The following ERCC6L2 variants were observed in gnomAD, a reference collection of about 807,000 sequenced individuals.
The protein encoded by ERCC6L2 is DNA excision repair protein ERCC-6-like 2.
Under a neutral mutation model 132.0 loss-of-function variants are expected in ERCC6L2, and 77 were observed. That is an observed-to-expected ratio of 0.58 (90% confidence interval 0.49 to 0.71). ERCC6L2 has a LOEUF of 0.71. Ranked by LOEUF, ERCC6L2 falls within the 30% of genes least tolerant of loss-of-function variation. ERCC6L2 has a pLI of 0.00. For synonymous variants in ERCC6L2, 583 were observed against 632.4 expected (o/e 0.92, Z 1.17); for missense variants, 1,542 against 1,837.6 (o/e 0.84, Z 2.94).
Position 96,013,066 on chromosome 9 carries a change from G to C in ERCC6L2, c.4516G>C (p.Ala1506Pro). ...AGTAATAGAGACTCTGTGTGAAAAAGCACCTCTAGCAGCACCCTTTAAAAG... is the reference window on the plus strand; with the variant it reads ...AGTAATAGAGACTCTGTGTGAAAAACCACCTCTAGCAGCACCCTTTAAAAG... ...LAVIETLCEK[A>P]PLAAPFKRRE... The change falls in exon 19 of 19, where the codon GCA (alanine) becomes CCA (proline). Residue 1506 changes from alanine (A) to proline (P), a missense_variant. Transcript: ENST00000653738. 1 of 1,367,596 alleles carries C rather than the reference G, an allele frequency of 7.3e-7. No homozygotes were observed. 84.7% of individuals were successfully genotyped at this position (1,367,596 alleles called of 1,614,324 possible).
At chr9:95,895,969 A>G (rs938198636) in intron 2 of ERCC6L2, among the ~76,000 whole-genome samples, 2 of 151,986 alleles carry the variant, frequency 1.3e-5, no homozygotes, top group African/African-American at 4.8e-5. Flanking sequence ...CTCGTGATCC[A>G]CCCACCTTGG....
In ERCC6L2 at chr9:96,013,272, ATTC is replaced by A; in HGVS notation, c.*71_*73del. The A allele has an allele frequency of 8.3e-7, 1 of 1,211,142 alleles. No individual in the cohort carries two copies. The highest frequency in any genetic ancestry group is 1.6e-5 in the African/African-American group (1 of 63,262). The allele number at this position is 1,211,142 out of a possible 1,614,324, so 75.0% of individuals were successfully genotyped here. ...GTTTACGGCACTGGATTCCACACTGATTCTATTATCTTGAACACAGTTGTTGAC... is the reference window on the plus strand; with the variant it reads ...GTTTACGGCACTGGATTCCACACTGATATTATCTTGAACACAGTTGTTGAC... On this transcript the variant is annotated 3_prime_UTR_variant, in exon 19 of 19. Coordinates refer to ENST00000653738, the MANE Select transcript of ERCC6L2 (RefSeq NM_020207.7).
chr9:96,012,336 T>C lies in ERCC6L2; in HGVS notation c.3786T>C (p.Phe1262=), dbSNP rs538895619. The change falls in exon 19 of 19, where the codon TTT becomes TTC. Residue 1262 remains phenylalanine (F), a synonymous_variant. Transcript: ENST00000653738. ...AACGACAGAAAATGCTAAGAGACTTTTATGCTTCTCAATATCCAGAGGTAA... is the reference window on the plus strand; with the variant it reads ...AACGACAGAAAATGCTAAGAGACTTCTATGCTTCTCAATATCCAGAGGTAA... ...SEERQKMLRD[F]YASQYPEVKE... 7.3e-7 allele frequency: 1 copy of C among 1,361,410 alleles called. No individual in the cohort carries two copies. Among genetic ancestry groups the C allele is most frequent in the Non-Finnish European group, 9.8e-7 (1 of 1,017,066 alleles). The allele number at this position is 1,361,410 out of a possible 1,614,324, so 84.3% of individuals were successfully genotyped here.
In ERCC6L2 at chr9:96,015,880, C is replaced by G. The variant is rs73536565; in HGVS notation, c.*2677C>G. Among the ~76,000 whole-genome samples, 2 of 152,112 alleles carry G rather than the reference C, an allele frequency of 1.3e-5. No individual in the cohort carries two copies. The highest frequency in any genetic ancestry group is 1.9e-4 in the East Asian group (1 of 5,188). ...CTGGAGTTTAAAAATTAGTTTCCAACAGTTGTCAGTGAAATATTTATCACT... is the reference window on the plus strand; with the variant it reads ...CTGGAGTTTAAAAATTAGTTTCCAAGAGTTGTCAGTGAAATATTTATCACT... On this transcript the variant is annotated 3_prime_UTR_variant, in exon 19 of 19. Transcript: ENST00000653738.
chr9:95,928,451 T>C (rs1362934387), intron 10 of ERCC6L2, among the ~76,000 whole-genome samples: 1 of 152,194 alleles, frequency 6.6e-6, no homozygotes, highest in African/African-American at 2.4e-5. Flanking sequence ...TATATTTATG[T>C]AAATGATTTG....
chr9:95,993,307 T>C (rs752737275), intron 17 of ERCC6L2, among the ~76,000 whole-genome samples: 5 of 152,244 alleles, frequency 3.3e-5, no homozygotes, highest in African/African-American at 4.8e-5. Context: ...TCTATCCTGC[T>C]CTAGCCTTTG....
intron 4 of ERCC6L2, among the ~76,000 whole-genome samples, chr9:95,910,390 G>A (rs1390634793): frequency 6.6e-6 from 1 of 151,946 alleles, no homozygotes; most frequent in Non-Finnish European, 1.5e-5. Context: ...GCCATATTGT[G>A]GTACATTTCA....
chr9:95,883,665 C>T (rs1312311743), intron 2 of ERCC6L2, among the ~76,000 whole-genome samples: 1 of 152,162 alleles, frequency 6.6e-6, no homozygotes, highest in Admixed American at 6.5e-5. Context: ...TCAAGACCAT[C>T]CTGGCCAACA....
Position 96,004,593 on chromosome 9 carries a change from T to C in ERCC6L2, c.3566T>C (p.Ile1189Thr). Reference sequence around the variant, plus strand: ...GGCCAGCAACCGAGTGAAGGCAGCATTTCACTTCCTCTTTACATTTCAAAT... The same window carrying C: ...GGCCAGCAACCGAGTGAAGGCAGCACTTCACTTCCTCTTTACATTTCAAAT... ...KKGQQPSEGS[I>T]SLPLYISNPV... The change falls in exon 18 of 19, where the codon ATT becomes ACT. Residue 1189 changes from isoleucine (I) to threonine (T), a missense_variant. Transcript: ENST00000653738. 7.6e-7 allele frequency: 1 copy of C among 1,314,172 alleles called. No homozygotes were observed. The highest frequency in any genetic ancestry group is 1.2e-5 in the South Asian group (1 of 81,474). 81.4% of individuals were successfully genotyped at this position (1,314,172 alleles called of 1,614,324 possible).
chr9:95,959,053 A>G (rs1831765007), intron 13 of ERCC6L2, among the ~76,000 whole-genome samples: 1 of 152,176 alleles, frequency 6.6e-6, no homozygotes, highest in Non-Finnish European at 1.5e-5. Context: ...GAACCAAAAA[A>G]GAGCCTGCAT....
chr9:95,956,285 T>C (rs1423926101), intron 13 of ERCC6L2, among the ~76,000 whole-genome samples: 1 of 152,164 alleles, frequency 6.6e-6, no homozygotes, highest in African/African-American at 2.4e-5. Context: ...TGTGATTTAG[T>C]AGGTCTGAGT....
At chr9:95,985,761 C>G (rs1347614648) in intron 17 of ERCC6L2, among the ~76,000 whole-genome samples, 2 of 152,130 alleles carry the variant, frequency 1.3e-5, no homozygotes, top group African/African-American at 4.8e-5. Flanking sequence ...AGTCTCATTC[C>G]AAGACACTCA....
At chr9:95,974,722 T>TTGTG (rs139478214) in intron 16 of ERCC6L2, among the ~76,000 whole-genome samples, 9,196 of 149,720 alleles carry the variant, frequency 0.061, 386 homozygotes, top group African/African-American at 0.12. Context: ...GTGGCCAGAT[T>TTGTG]TGTGTGTGTG....
chr9:95,903,685 T>TA (rs752229844), intron 3 of ERCC6L2, among the ~76,000 whole-genome samples: 23 of 152,118 alleles, frequency 1.5e-4, no homozygotes, highest in Non-Finnish European at 2.4e-4. Flanking sequence ...AAGCCATACA[T>TA]GTCAGTGCTA....
In ERCC6L2 at chr9:96,023,969, T is replaced by A. The variant is rs192497183; in HGVS notation, c.*1504-14907T>A. Reference sequence around the variant, plus strand: ...CAAAAGTCATTTCTCTTCCTCATGATGGGTATTTCTCTTTTTCTGGTGAGA... The same window carrying A: ...CAAAAGTCATTTCTCTTCCTCATGAAGGGTATTTCTCTTTTTCTGGTGAGA... On this transcript the variant is annotated intron_variant and NMD_transcript_variant, in intron 19 of 20. Coordinates refer to the ERCC6L2 transcript ENST00000670016. Among the ~76,000 whole-genome samples the A allele has an allele frequency of 2.3e-3, 356 of 152,328 alleles. 3 individuals are homozygous for A. Among genetic ancestry groups the A allele is most frequent in the Non-Finnish European group, 4.3e-3 (294 of 68,026 alleles).
At position 96,012,285 on chromosome 9, in the gene ERCC6L2, A is replaced by T. The variant is rs761286728; in HGVS notation, c.3735A>T (p.Lys1245Asn). ...FNSSSVNEFAKHITNATSEER... is the reference protein window; with the variant it reads ...FNSSSVNEFANHITNATSEER... ...CGTCTTCTGTAAACGAATTTGCTAA[A>T]CATATAACCAATGCCACATCAGAAG... The change falls in exon 19 of 19, where the codon AAA becomes AAT. Residue 1245 changes from lysine to asparagine, a missense_variant. Lys to Asn is a moderately conservative substitution (Grantham distance 94). This residue lies in a region of ERCC6L2 where 442 missense variants were observed against 583.4 expected (regional missense o/e 0.76). Transcript: ENST00000653738. 6.8e-6 allele frequency: 9 copies of T among 1,328,324 alleles called. 1 individual carries two copies. 82.3% of individuals were successfully genotyped at this position (1,328,324 alleles called of 1,614,324 possible).
intron 17 of ERCC6L2, among the ~76,000 whole-genome samples, chr9:95,987,050 C>T (rs1314853202): frequency 5.3e-5 from 8 of 152,266 alleles, no homozygotes; most frequent in East Asian, 1.9e-4. Flanking sequence ...TTCACTACCA[C>T]GAGAACAGTA....
chr9:95,951,015 G>A (rs1346374419), intron 12 of ERCC6L2, among the ~76,000 whole-genome samples: 2 of 152,064 alleles, frequency 1.3e-5, no homozygotes, highest in Admixed American at 1.3e-4. Context: ...AACGACAGCA[G>A]AATACATACT....
chr9:96,009,653 G>A (rs184785724), intron 18 of ERCC6L2, among the ~76,000 whole-genome samples: 4 of 152,254 alleles, frequency 2.6e-5, no homozygotes, highest in Admixed American at 2.6e-4. Context: ...TTCACAAACT[G>A]GCTGGCTTAT....
Sources: allele counts gnomAD v4.1 joint callset (sites outside exome capture counted in the v4.1 genomes callset), GRCh38; gene constraint gnomAD v4.1.1; regional missense constraint gnomAD v4.1.1; transcripts MANE v1.5; gene names NCBI Gene and HGNC (gene_info 2026-07-23, HGNC 2026-07-21).